ZC3H12B: variants seen among roughly 807,000 people sequenced by gnomAD.
The protein encoded by ZC3H12B is probable ribonuclease ZC3H12B.
ZC3H12B carries 7 observed loss-of-function variants against 43.9 expected under a neutral mutation model. The ratio of observed to expected loss-of-function variants is 0.16; its 90% CI spans 0.09 to 0.30. The LOEUF is 0.30. ZC3H12B is among the 10% of genes least tolerant of loss of function. The pLI is 1.00. For missense variants in ZC3H12B, 475 were observed against 670.2 expected, an observed-to-expected ratio of 0.71 and a Z score of 3.22; for synonymous variants, 222 against 241.7, an observed-to-expected ratio of 0.92 and a Z score of 0.76.
intron 3 of ZC3H12B, among the ~76,000 whole-genome samples, chrX:65,455,094 C>T (rs1230740420): frequency 3.6e-5 from 4 of 112,343 alleles, no homozygotes; most frequent in Non-Finnish European, 5.6e-5. Flanking sequence ...AGGAATGCAG[C>T]TCCTCAACAG....
chrX:65,344,889 A>G, the ZC3H12B span, among the ~76,000 whole-genome samples: 2 of 112,284 alleles, frequency 1.8e-5, no homozygotes, highest in Non-Finnish European at 3.8e-5. Context: ...TTAAAAGTGG[A>G]CAAAGGACAT....
chrX:65,228,503 T>C, the ZC3H12B span, among the ~76,000 whole-genome samples: 1 of 110,950 alleles, frequency 9.0e-6, no homozygotes, highest in African/African-American at 3.3e-5. Flanking sequence ...TCACCACTCC[T>C]ATTCAACATA....
intron 3 of ZC3H12B, among the ~76,000 whole-genome samples, chrX:65,441,474 T>G (rs1190735465): frequency 3.6e-5 from 4 of 112,028 alleles, no homozygotes; most frequent in African/African-American, 1.3e-4. Flanking sequence ...CTGCTTTGCC[T>G]TGTTTATTTG....
intron 3 of ZC3H12B, among the ~76,000 whole-genome samples, chrX:65,459,476 G>A (rs761140128): frequency 5.4e-5 from 6 of 111,518 alleles, no homozygotes; most frequent in East Asian, 5.6e-4. Flanking sequence ...CTGGCAAACC[G>A]AATCCAGCAG....
chrX:65,160,890 G>A, the ZC3H12B span, among the ~76,000 whole-genome samples: 1 of 110,498 alleles, frequency 9.0e-6, no homozygotes, highest in African/African-American at 3.3e-5. Context: ...TTTCTCTTGT[G>A]GGCATTTAGT....
At chrX:65,222,478 A>G in the ZC3H12B span, among the ~76,000 whole-genome samples, 2 of 110,442 alleles carry the variant, frequency 1.8e-5, no homozygotes, top group Non-Finnish European at 3.8e-5. Flanking sequence ...TAAAGCTGAT[A>G]AATGAATTCA....
rs1019041374 is a variant in ZC3H12B, at chrX:65,444,267, A to G, written n.408-44379A>G. ...ACAACTTCACACTGAGTTTAAAAGC[A>G]AAGAAGCAAGCTGATAGGTTTGGCT... On this transcript the variant is annotated intron_variant and non_coding_transcript_variant, in intron 3 of 5. Coordinates refer to the ZC3H12B transcript ENST00000617377. Among the ~76,000 whole-genome samples the G allele has an allele frequency of 1.6e-4, 18 of 112,542 alleles. No homozygotes were observed. In the Admixed American group the frequency reaches 1.7e-3, roughly 11 times the overall value.
the ZC3H12B span, among the ~76,000 whole-genome samples, chrX:65,252,777 T>A: frequency 5.4e-5 from 6 of 112,106 alleles, no homozygotes; most frequent in African/African-American, 1.9e-4. Context: ...CCCTGTAGCA[T>A]TATGTGTTTG....
the ZC3H12B span, among the ~76,000 whole-genome samples, chrX:65,280,318 A>G: frequency 8.9e-6 from 1 of 112,420 alleles, no homozygotes; most frequent in African/African-American, 3.2e-5. Flanking sequence ...ATCTCAATAG[A>G]TGCATAAAAA....
chrX:65,409,039 G>A (rs1463849693), intron 3 of ZC3H12B, among the ~76,000 whole-genome samples: 1 of 111,766 alleles, frequency 8.9e-6, no homozygotes, highest in Admixed American at 9.5e-5. Context: ...CAAATGAAAG[G>A]TTTGATAATT....
chrX:65,397,482 T>G (rs962640419), intron 2 of ZC3H12B, among the ~76,000 whole-genome samples: 5 of 111,847 alleles, frequency 4.5e-5, no homozygotes, highest in South Asian at 7.4e-4. Context: ...TATGAAATTT[T>G]GGGTTGAAAA....
chrX:65,287,094 C>T, the ZC3H12B span, among the ~76,000 whole-genome samples: 1 of 110,609 alleles, frequency 9.0e-6, no homozygotes, highest in African/African-American at 3.3e-5. Flanking sequence ...GTGTGGGACT[C>T]CCAACACCCC....
chrX:65,489,760 A>G (rs1183870266), intron 1 of ZC3H12B, among the ~76,000 whole-genome samples: 1 of 112,056 alleles, frequency 8.9e-6, no homozygotes, highest in African/African-American at 3.2e-5. Context: ...GGGTTTACTT[A>G]GGAACTTTCA....
the ZC3H12B span, among the ~76,000 whole-genome samples, chrX:65,157,765 C>A: frequency 9.3e-6 from 1 of 107,390 alleles, no homozygotes; most frequent in Admixed American, 9.9e-5. Context: ...TTTCCCTTTT[C>A]TTTTTTTTAT....
At chrX:65,123,984 C>T in the ZC3H12B span, among the ~76,000 whole-genome samples, 2 of 110,770 alleles carry the variant, frequency 1.8e-5, no homozygotes, top group Non-Finnish European at 3.8e-5. Context: ...CCCTTTATTT[C>T]TTTCTCTTGT....
the ZC3H12B span, among the ~76,000 whole-genome samples, chrX:65,192,150 A>C: frequency 9.1e-6 from 1 of 109,377 alleles, no homozygotes; most frequent in Non-Finnish European, 1.9e-5. Context: ...GTTTGATTAC[A>C]CTGTGGTCTG....
At chrX:65,311,566 C>A in the ZC3H12B span, among the ~76,000 whole-genome samples, 2 of 111,898 alleles carry the variant, frequency 1.8e-5, no homozygotes, top group Admixed American at 9.5e-5. Context: ...CTAGTTCAAC[C>A]ATTGTGGAAG....
the ZC3H12B span, among the ~76,000 whole-genome samples, chrX:65,350,486 G>A: frequency 2.7e-5 from 3 of 111,365 alleles, no homozygotes; most frequent in African/African-American, 6.5e-5. Context: ...GGGCAATCAG[G>A]CAAGAGAAAG....
the ZC3H12B span, among the ~76,000 whole-genome samples, chrX:65,264,444 A>G: frequency 8.9e-6 from 1 of 112,334 alleles, no homozygotes. Context: ...CAAAACATTT[A>G]TGTACTCAGT....
Sources: allele counts gnomAD v4.1 joint callset (sites outside exome capture counted in the v4.1 genomes callset), GRCh38; gene constraint gnomAD v4.1.1; transcripts MANE v1.5; gene names NCBI Gene and HGNC (gene_info 2026-07-23, HGNC 2026-07-21).